The following CDC42SE2 variants were observed in gnomAD, a reference collection of about 807,000 sequenced individuals.
CDC42SE2 encodes CDC42 small effector 2, also known as CDC42 small effector protein 2.
In CDC42SE2, 3 loss-of-function variants were observed where a neutral mutation model predicts 11.5. That is an observed-to-expected ratio of 0.26 (90% CI 0.12 to 0.67). The LOEUF (loss-of-function observed/expected upper bound fraction) is 0.67. Ranked by LOEUF, CDC42SE2 falls within the 30% of genes least tolerant of loss-of-function variation. CDC42SE2 has a pLI of 0.80. For synonymous variants in CDC42SE2, 33 were observed against 34.8 expected (o/e 0.95, Z 0.18); for missense variants, 82 against 106.8 (o/e 0.77, Z 1.02).
chr5:131,370,577 C>A (rs927197366), intron 3 of CDC42SE2, among the ~76,000 whole-genome samples: 1 of 152,046 alleles, frequency 6.6e-6, no homozygotes, highest in East Asian at 1.9e-4. Flanking sequence ...CCTGCCTCAG[C>A]CTCCCAAAGT....
In CDC42SE2 at chr5:131,381,615, A is replaced by G. The variant is rs566093685; in HGVS notation, c.55-3928A>G. Among the ~76,000 whole-genome samples the G allele has an allele frequency of 2.6e-5, 4 of 152,242 alleles. No homozygotes were observed. The East Asian group carries it at 7.7e-4, about 29-fold the overall frequency. On this transcript the variant is annotated intron_variant, in intron 3 of 4. Coordinates refer to ENST00000505065, the MANE Select transcript of CDC42SE2 (RefSeq NM_001375635.1). ...TGGGATTACAGGCGTGAGCCACCAC[A>G]TCCGGCCCAAATGCTGTTGATTTTA...
intron 2 of CDC42SE2, among the ~76,000 whole-genome samples, chr5:131,348,003 TAA>T (rs1020746551): frequency 6.6e-6 from 1 of 152,278 alleles, no homozygotes; most frequent in African/African-American, 2.4e-5. Context: ...CTCAAAATAA[TAA>T]GAGTTATCTA....
intron 1 of CDC42SE2, among the ~76,000 whole-genome samples, chr5:131,310,053 G>A (rs1390974744): frequency 3.3e-5 from 5 of 151,844 alleles, no homozygotes; most frequent in South Asian, 2.1e-4. Context: ...TGTCAATTTT[G>A]GATCTTTCCT....
chr5:131,347,554 G>A lies in CDC42SE2; in HGVS notation c.-285-11655G>A, dbSNP rs370079575. On this transcript the variant is annotated intron_variant, in intron 2 of 4. Transcript: ENST00000505065. ...TCCAGGACCACATAGATTCACAGCC[G>A]AATTCTACCAGAGGTACAAAGAGGA... 2.3e-4 allele frequency among the ~76,000 whole-genome samples: 35 copies of A among 152,192 alleles called. No individual in the cohort carries two copies. In the South Asian group the frequency reaches 6.4e-3, roughly 28 times the overall value.
chr5:131,342,388 CTTT>C (rs35818778), intron 2 of CDC42SE2, among the ~76,000 whole-genome samples: 40 of 111,284 alleles, frequency 3.6e-4, no homozygotes, highest in African/African-American at 4.4e-4. Flanking sequence ...TTTTAATAGT[CTTT>C]TTTTTTTTTT....
chr5:131,232,115 A>T, the CDC42SE2 span, among the ~76,000 whole-genome samples: 4 of 139,306 alleles, frequency 2.9e-5, no homozygotes, highest in South Asian at 2.3e-4. Context: ...TTTGTTACCT[A>T]TTTTTTTTTT....
At chr5:131,229,527 C>A in the CDC42SE2 span, among the ~76,000 whole-genome samples, 2 of 152,220 alleles carry the variant, frequency 1.3e-5, no homozygotes, top group East Asian at 3.9e-4. Context: ...GTAGCTGAGA[C>A]TATGGGCAGG....
At chr5:131,272,383 CT>C (rs1757011697) in intron 1 of CDC42SE2, among the ~76,000 whole-genome samples, 1 of 152,112 alleles carries the variant, frequency 6.6e-6, no homozygotes, top group Non-Finnish European at 1.5e-5. Flanking sequence ...TTTAATACCT[CT>C]CGTCAAACCT....
intron 3 of CDC42SE2, among the ~76,000 whole-genome samples, chr5:131,367,026 C>G (rs1030701769): frequency 1.3e-5 from 2 of 150,504 alleles, no homozygotes; most frequent in African/African-American, 4.9e-5. Context: ...AACCCTGTTT[C>G]AAAAAACAAA....
rs1264667468 is a variant in CDC42SE2 at position 131,392,523 on chromosome 5, T to C, written c.*1432T>C. 1 of 140,404 alleles carries C rather than the reference T, an allele frequency of 7.1e-6. No homozygotes were observed. The highest frequency in any genetic ancestry group is 6.8e-5 in the Admixed American group (1 of 14,634). The allele number at this position is 140,404 out of a possible 1,614,324, so 8.7% of individuals were successfully genotyped here. A position where few individuals can be genotyped will look rare whatever the true frequency, so the allele number is the denominator to read the frequency against. On this transcript the variant is annotated 3_prime_UTR_variant, in exon 5 of 5. Coordinates refer to ENST00000505065, the MANE Select transcript of CDC42SE2 (RefSeq NM_001375635.1). ...TTAGAAGTATGACCTTTTGGTCTGT[T>C]TGATTGATTGATTAGAATTGCAATA...
chr5:131,319,011 C>T (rs1300840807), intron 2 of CDC42SE2, among the ~76,000 whole-genome samples: 15 of 152,150 alleles, frequency 9.9e-5, no homozygotes, highest in Admixed American at 9.8e-4. Flanking sequence ...AAGCGATTCT[C>T]CTGCTTCAGC....
At chr5:131,386,643 G>C (rs1000120069) in intron 4 of CDC42SE2, among the ~76,000 whole-genome samples, 25 of 152,152 alleles carry the variant, frequency 1.6e-4, no homozygotes, top group Non-Finnish European at 3.4e-4. Context: ...GAGAAAACCA[G>C]AATGCATTAT....
intron 3 of CDC42SE2, among the ~76,000 whole-genome samples, chr5:131,384,420 T>C (rs1012828704): frequency 2.0e-5 from 3 of 152,214 alleles, no homozygotes; most frequent in African/African-American, 4.8e-5. Flanking sequence ...AAAAGTGTTA[T>C]GTTCAAAGGC....
intron 2 of CDC42SE2, among the ~76,000 whole-genome samples, chr5:131,326,324 C>T (rs1758301310): frequency 6.6e-6 from 1 of 152,012 alleles, no homozygotes; most frequent in Admixed American, 6.6e-5. Context: ...AGGATGGTCT[C>T]GATCTCCTGA....
chr5:131,282,650 A>T (rs1221466791), intron 1 of CDC42SE2, among the ~76,000 whole-genome samples: 2 of 151,894 alleles, frequency 1.3e-5, no homozygotes, highest in African/African-American at 4.8e-5. Flanking sequence ...TATTATTGAG[A>T]TGGAATCTTG....
intron 3 of CDC42SE2, among the ~76,000 whole-genome samples, chr5:131,373,545 A>T (rs1019874021): frequency 1.3e-5 from 2 of 152,194 alleles, no homozygotes; most frequent in Admixed American, 6.5e-5. Flanking sequence ...CCAAGCAAAA[A>T]GTGAGCTCAC....
intron 1 of CDC42SE2, among the ~76,000 whole-genome samples, chr5:131,254,478 G>T (rs1473356638): frequency 7.9e-5 from 12 of 151,738 alleles, no homozygotes; most frequent in Admixed American, 6.6e-4. Context: ...GGAGGCGGAG[G>T]TTGCAGTGAG....
At chr5:131,347,905 A>G (rs1306526598) in intron 2 of CDC42SE2, among the ~76,000 whole-genome samples, 1 of 152,262 alleles carries the variant, frequency 6.6e-6, no homozygotes, top group Non-Finnish European at 1.5e-5. Flanking sequence ...AAACATGATT[A>G]TCTCAATAGA....
chr5:131,390,754 G>A (rs77397608), intron 4 of CDC42SE2, among the ~76,000 whole-genome samples: 1,958 of 152,202 alleles, frequency 0.013, 36 homozygotes, highest in African/African-American at 0.045. Flanking sequence ...TTACAAAACT[G>A]ACTTTTGTAA....
Sources: allele counts gnomAD v4.1 joint callset (sites outside exome capture counted in the v4.1 genomes callset), GRCh38; gene constraint gnomAD v4.1.1; transcripts MANE v1.5; gene names NCBI Gene and HGNC (gene_info 2026-07-23, HGNC 2026-07-21).